Variants in DOCK7 observed in about 807,000 individuals in gnomAD.
DOCK7 encodes the protein dedicator of cytokinesis 7, also known as dedicator of cytokinesis protein 7.
In DOCK7, 138 loss-of-function variants were observed where a neutral mutation model predicts 271.0. That is an observed-to-expected ratio of 0.51 (90% CI 0.44 to 0.59). The LOEUF is 0.59. Among genes scored for constraint, DOCK7 ranks in the 20% least tolerant of loss-of-function variants. DOCK7 has a pLI of 0.00. For missense variants in DOCK7, 2,066 were observed against 2,592.4 expected (o/e 0.80, Z 4.41); for synonymous variants, 823 against 876.1 (o/e 0.94, Z 1.07).
At chr1:62,583,317 G>T in intron 15 of DOCK7, 63 bp from the exon 16 acceptor site, 1 of 1,415,382 alleles carries the variant, frequency 7.1e-7, no homozygotes, top group Non-Finnish European at 9.9e-7. Context: ...TCATAACTAT[G>T]TAAGAATTTG....
intron 48 of DOCK7, among the ~76,000 whole-genome samples, chr1:62,461,863 G>C (rs889170873): frequency 6.6e-6 from 1 of 151,196 alleles, no homozygotes; most frequent in Non-Finnish European, 1.5e-5. Flanking sequence ...CCTGAGGTCA[G>C]GAGTTCGAGA....
intron 41 of DOCK7, 65 bp from the exon 42 acceptor site, chr1:62,489,130 T>C: frequency 1.4e-6 from 2 of 1,417,134 alleles, no homozygotes; most frequent in Non-Finnish European, 1.9e-6. Context: ...AAAGTAATTA[T>C]ATGAATTCGC....
At chr1:62,688,001 C>G (rs953658644) in intron 1 of DOCK7, among the ~76,000 whole-genome samples, 2 of 151,938 alleles carry the variant, frequency 1.3e-5, no homozygotes, top group African/African-American at 4.8e-5. Context: ...CCGCTCCCTG[C>G]CGAGGCTCAG....
chr1:62,604,215 A>G (rs1236618847), intron 14 of DOCK7: 3 of 1,613,280 alleles, frequency 1.9e-6, no homozygotes, highest in Middle Eastern at 1.7e-4. Flanking sequence ...GGACACTTCA[A>G]CTGTCCAGAG....
intron 21 of DOCK7, among the ~76,000 whole-genome samples, chr1:62,553,817 G>C (rs1430916096): frequency 6.9e-6 from 1 of 145,784 alleles, no homozygotes; most frequent in Non-Finnish European, 1.5e-5. Context: ...AACCAAAATA[G>C]GAAACACACA....
chr1:62,515,913 A>G (rs1644648507), intron 31 of DOCK7, among the ~76,000 whole-genome samples: 1 of 152,230 alleles, frequency 6.6e-6, no homozygotes, highest in Non-Finnish European at 1.5e-5. Context: ...AAGAACACAA[A>G]AAGTGTCCTA....
chr1:62,558,803 C>T (rs148823633), intron 20 of DOCK7, among the ~76,000 whole-genome samples, 186 bp downstream of exon 20: 10 of 151,932 alleles, frequency 6.6e-5, no homozygotes, highest in Non-Finnish European at 8.8e-5. Context: ...GCCTATAGAA[C>T]ACATTTTATA....
intron 1 of DOCK7, among the ~76,000 whole-genome samples, chr1:62,686,888 A>T (rs545644526): frequency 1.1e-4 from 16 of 151,880 alleles, no homozygotes; most frequent in Admixed American, 9.2e-4. Context: ...GAAAGAAAAA[A>T]AAAAGCCTCT....
intron 44 of DOCK7, among the ~76,000 whole-genome samples, chr1:62,476,815 TTGAG>T (rs1220947284): frequency 3.3e-5 from 5 of 152,324 alleles, no homozygotes; most frequent in South Asian, 2.1e-4. Flanking sequence ...ATTTTTATAA[TTGAG>T]TAAGTCTCAA....
In DOCK7 at chr1:62,475,726, T is replaced by A. The variant is rs145796299; in HGVS notation, c.5942A>T (p.Asn1981Ile). Residue 1981 changes from asparagine (N) to isoleucine (I), a missense_variant, in exon 46 of 50, where the codon AAT (asparagine) becomes ATT (isoleucine). This residue lies in a region of DOCK7 where 652 missense variants were observed against 922.1 expected (regional missense o/e 0.71). Coordinates refer to ENST00000635253, the MANE Select transcript of DOCK7 (RefSeq NM_001367561.1). ...ACTTACCTCTTCTTTATGAGTGACA[T>A]TGACCCTTGTTTTAATATAAGGAAA... ...HAFPYIKTRV[N>I]VTHKEEIILT... is the part of the protein sequence containing the mutation. 1 of 1,613,942 alleles carries A rather than the reference T, an allele frequency of 6.2e-7. No homozygotes were observed. The highest frequency in any genetic ancestry group is 8.5e-7 in the Non-Finnish European group (1 of 1,179,884).
chr1:62,639,558 C>T (rs896022865), intron 7 of DOCK7, among the ~76,000 whole-genome samples: 3 of 150,996 alleles, frequency 2.0e-5, no homozygotes, highest in African/African-American at 7.3e-5. Flanking sequence ...CCTCAGCCTC[C>T]CGAGTAGCTG....
At chr1:62,680,197 C>T (rs1300728558) in intron 1 of DOCK7, among the ~76,000 whole-genome samples, 1 of 152,028 alleles carries the variant, frequency 6.6e-6, no homozygotes, top group Non-Finnish European at 1.5e-5. Flanking sequence ...GAAATATAGA[C>T]CAATGGAACA....
At chr1:62,535,445 G>C (rs993594328) in intron 29 of DOCK7, 48 bp downstream of exon 29, 8 of 1,558,438 alleles carry the variant, frequency 5.1e-6, no homozygotes, top group Non-Finnish European at 7.0e-6. Flanking sequence ...TCTGTCCACT[G>C]TTCAAAATCA....
At chr1:62,603,654 T>C (rs1454666732) in intron 14 of DOCK7, among the ~76,000 whole-genome samples, 1 of 151,752 alleles carries the variant, frequency 6.6e-6, no homozygotes, top group Non-Finnish European at 1.5e-5. Flanking sequence ...CTTGCAAATA[T>C]TCCTCTACCA....
At chr1:62,663,725 A>G (rs1205664014) in intron 1 of DOCK7, among the ~76,000 whole-genome samples, 1 of 152,080 alleles carries the variant, frequency 6.6e-6, no homozygotes, top group Non-Finnish European at 1.5e-5. Flanking sequence ...TCCTTCTTTC[A>G]TATTCAATCA....
intron 1 of DOCK7, 32 bp downstream of exon 1, chr1:62,688,189 GGGCGGC>G (rs548682666): frequency 2.2e-6 from 3 of 1,356,886 alleles, no homozygotes; most frequent in Admixed American, 2.9e-5. Flanking sequence ...GCTCTTTCTC[GGGCGGC>G]GGCGGCGGCG....
intron 20 of DOCK7, among the ~76,000 whole-genome samples, chr1:62,557,667 T>C (rs569802397): frequency 6.7e-6 from 1 of 149,688 alleles, no homozygotes; most frequent in African/African-American, 2.5e-5. Context: ...GGCTCTCAAA[T>C]ATAAATAAAG....
At position 62,672,318 on chromosome 1, in the gene DOCK7, A is replaced by C. The variant is rs140853787; in HGVS notation, c.39-9188T>G. On this transcript the variant is annotated intron_variant, in intron 1 of 49. Transcript: ENST00000635253. The stretch of plus-strand genomic sequence containing the variant: ...ATTGGCACATAAAACTAATAAAACT[A>C]GCAACATTTGTCAGGCACTTACAAC... Among the ~76,000 whole-genome samples the C allele has an allele frequency of 1.1e-4, 17 of 152,296 alleles. No individual in the cohort carries two copies. The East Asian group carries it at 3.1e-3, about 28-fold the overall frequency.
chr1:62,469,474 T>C (rs1262674816), intron 48 of DOCK7, among the ~76,000 whole-genome samples: 1 of 152,182 alleles, frequency 6.6e-6, no homozygotes, highest in Non-Finnish European at 1.5e-5. Context: ...GAAGATAGCA[T>C]TGGAAAAATC....
Sources: gnomAD v4.1 joint callset for allele counts (sites outside exome capture counted in the v4.1 genomes callset) on GRCh38, gnomAD v4.1.1 for gene constraint, gnomAD v4.1.1 regional missense constraint, MANE v1.5 for transcripts, NCBI Gene and HGNC (gene_info 2026-07-23, HGNC 2026-07-21) for gene names.